Variants in KCNMB2 observed in about 807,000 individuals in gnomAD.
KCNMB2 encodes calcium-activated potassium channel subunit beta-2.
Under a neutral mutation model 24.5 loss-of-function variants are expected in KCNMB2, and 9 were observed. The ratio of observed to expected loss-of-function variants is 0.37; its 90% CI spans 0.22 to 0.64. The LOEUF is 0.64. Among genes scored for constraint, KCNMB2 ranks in the 30% least tolerant of loss-of-function variants. The pLI, the probability that KCNMB2 is intolerant of heterozygous loss-of-function variation, is 0.63. For missense variants in KCNMB2, 226 were observed against 284.3 expected (o/e 0.79, Z 1.47); for synonymous variants, 109 against 104.4 (o/e 1.04, Z -0.27).
At chr3:178,672,325 C>T (rs1009422210) in intron 1 of KCNMB2, among the ~76,000 whole-genome samples, 2 of 152,078 alleles carry the variant, frequency 1.3e-5, no homozygotes, top group Admixed American at 1.3e-4. Flanking sequence ...AAGGAAATGG[C>T]CATAAGTGTC....
intron 1 of KCNMB2, among the ~76,000 whole-genome samples, chr3:178,610,285 G>GT (rs1332189873): frequency 6.6e-6 from 1 of 152,062 alleles, no homozygotes; most frequent in Non-Finnish European, 1.5e-5. Flanking sequence ...TTTTAGCATA[G>GT]TTTTTTCTAA....
intron 1 of KCNMB2, among the ~76,000 whole-genome samples, chr3:178,621,073 C>T (rs1718904152): frequency 1.3e-5 from 2 of 152,084 alleles, no homozygotes; most frequent in African/African-American, 4.8e-5. Context: ...GCTTTAGGAC[C>T]TTAATTTGCC....
intron 1 of KCNMB2, among the ~76,000 whole-genome samples, chr3:178,783,293 A>G (rs1463339055): frequency 6.7e-6 from 1 of 148,990 alleles, no homozygotes; most frequent in Non-Finnish European, 1.5e-5. Flanking sequence ...TTGGTTCCAT[A>G]TGAACTTTAA....
chr3:178,594,786 G>T (rs1454421391), intron 1 of KCNMB2, among the ~76,000 whole-genome samples: 3 of 151,912 alleles, frequency 2.0e-5, no homozygotes, highest in African/African-American at 7.3e-5. Context: ...CACATAAAAA[G>T]CACTAAAAAT....
chr3:178,673,575 A>G (rs1181355364), intron 1 of KCNMB2, among the ~76,000 whole-genome samples: 1 of 152,060 alleles, frequency 6.6e-6, no homozygotes, highest in African/African-American at 2.4e-5. Flanking sequence ...AACTGTCAGG[A>G]CACGTGTGGG....
At chr3:178,631,166 G>A (rs1719305819) in intron 1 of KCNMB2, among the ~76,000 whole-genome samples, 1 of 152,132 alleles carries the variant, frequency 6.6e-6, no homozygotes, top group Admixed American at 6.5e-5. Context: ...CCTTAATATG[G>A]TTCATCGGGG....
At chr3:178,710,548 C>A (rs1283842970) in intron 1 of KCNMB2, among the ~76,000 whole-genome samples, 1 of 152,102 alleles carries the variant, frequency 6.6e-6, no homozygotes, top group Non-Finnish European at 1.5e-5. Context: ...CCTATAGGAA[C>A]CCCTGTTTAT....
intron 1 of KCNMB2, among the ~76,000 whole-genome samples, chr3:178,636,226 T>C (rs1231594675): frequency 1.3e-5 from 2 of 152,108 alleles, no homozygotes; most frequent in Admixed American, 6.5e-5. Flanking sequence ...AAAAATGATA[T>C]AATGGATTGT....
chr3:178,694,039 G>A lies in KCNMB2; in HGVS notation c.-67-113304G>A, dbSNP rs577482868. 2.2e-4 allele frequency among the ~76,000 whole-genome samples: 34 copies of A among 152,108 alleles called. 2 individuals are homozygous for A. The South Asian group carries it at 6.4e-3, about 29-fold the overall frequency. Reference sequence around the variant, plus strand: ...TCATGTTGCCAATAAAGACATACCCGACACTGGGTAATTTATAAAGGAAAG... The same window carrying A: ...TCATGTTGCCAATAAAGACATACCCAACACTGGGTAATTTATAAAGGAAAG... On this transcript the variant is annotated intron_variant, in intron 1 of 4. Transcript: ENST00000452583.
At chr3:178,574,913 C>G (rs1210349584) in intron 1 of KCNMB2, among the ~76,000 whole-genome samples, 1 of 151,960 alleles carries the variant, frequency 6.6e-6, no homozygotes, top group Non-Finnish European at 1.5e-5. Flanking sequence ...ACTAAAAATG[C>G]AAAAACTAGC....
Position 178,625,560 on chromosome 3 carries a change from A to G in KCNMB2, c.-68+88849A>G, listed in dbSNP as rs547618397. On this transcript the variant is annotated intron_variant, in intron 1 of 4. Coordinates refer to ENST00000452583, the MANE Select transcript of KCNMB2 (RefSeq NM_181361.3). ...TATTATCTAACTCATAGCAAAGTCT[A>G]TCAGGAAGATAGAGAACAGAGATTG... 2.0e-5 allele frequency among the ~76,000 whole-genome samples: 3 copies of G among 152,346 alleles called. No homozygotes were observed. In the East Asian group the frequency reaches 5.8e-4, roughly 29 times the overall value.
intron 1 of KCNMB2, among the ~76,000 whole-genome samples, chr3:178,612,887 A>C (rs2108517856): frequency 6.6e-6 from 1 of 152,002 alleles, no homozygotes; most frequent in Admixed American, 6.6e-5. Context: ...TTCTTACTTT[A>C]TATTTTTTGT....
At chr3:178,819,400 G>T (rs1054191049) in intron 2 of KCNMB2, among the ~76,000 whole-genome samples, 2 of 152,126 alleles carry the variant, frequency 1.3e-5, no homozygotes, top group Non-Finnish European at 2.9e-5. Context: ...ACTCCACTCC[G>T]TCTCACTCTC....
intron 1 of KCNMB2, among the ~76,000 whole-genome samples, chr3:178,586,204 G>A (rs1351913416): frequency 6.6e-6 from 1 of 152,114 alleles, no homozygotes; most frequent in Non-Finnish European, 1.5e-5. Flanking sequence ...TTGACTAGAT[G>A]AATTCTAAGA....
intron 1 of KCNMB2, among the ~76,000 whole-genome samples, chr3:178,738,056 T>G (rs938361624): frequency 9.9e-5 from 15 of 152,160 alleles, no homozygotes; most frequent in African/African-American, 3.6e-4. Context: ...AGAAAGTCAG[T>G]GTATTTGCTG....
intron 1 of KCNMB2, among the ~76,000 whole-genome samples, chr3:178,547,538 A>G (rs1289319261): frequency 6.6e-6 from 1 of 152,104 alleles, no homozygotes; most frequent in Admixed American, 6.6e-5. Context: ...TCTATTTCAT[A>G]TATGTGTGTG....
At chr3:178,575,804 G>A (rs1716967730) in intron 1 of KCNMB2, among the ~76,000 whole-genome samples, 1 of 151,986 alleles carries the variant, frequency 6.6e-6, no homozygotes, top group Non-Finnish European at 1.5e-5. Context: ...AACTTTATAG[G>A]GAAAAAATTT....
intron 2 of KCNMB2, among the ~76,000 whole-genome samples, chr3:178,818,271 T>C (rs1452608992): frequency 6.6e-6 from 1 of 152,152 alleles, no homozygotes; most frequent in Non-Finnish European, 1.5e-5. Flanking sequence ...TGTTTGTTTG[T>C]TTGTTTGTTC....
chr3:178,749,582 A>G (rs554249639), intron 1 of KCNMB2, among the ~76,000 whole-genome samples: 1 of 152,334 alleles, frequency 6.6e-6, no homozygotes, highest in East Asian at 1.9e-4. Context: ...CTCATTTCGT[A>G]TCCAGCACAG....
Sources: gnomAD v4.1 joint callset for allele counts (sites outside exome capture counted in the v4.1 genomes callset) on GRCh38, gnomAD v4.1.1 for gene constraint, MANE v1.5 for transcripts, NCBI Gene and HGNC (gene_info 2026-07-23, HGNC 2026-07-21) for gene names.